TDRD3: variants seen among roughly 807,000 people sequenced by gnomAD.
TDRD3 encodes tudor domain-containing protein 3.
Under a neutral mutation model 86.7 loss-of-function variants are expected in TDRD3, and 45 were observed. That is an observed-to-expected ratio of 0.52 (90% CI 0.41 to 0.67). The LOEUF (loss-of-function observed/expected upper bound fraction) is 0.67, where lower values mean the gene tolerates loss of function less well. Ranked by LOEUF, TDRD3 falls within the 30% of genes least tolerant of loss-of-function variation. The pLI, the probability that TDRD3 is intolerant of heterozygous loss-of-function variation, is 0.00. For missense variants in TDRD3, 814 were observed against 889.0 expected (o/e 0.92, Z 1.07); for synonymous variants, 298 against 301.7 (o/e 0.99, Z 0.13).
At chr13:60,567,385 CCT>C in intron 12 of TDRD3, 138 bp from the exon 13 acceptor site, 2 of 1,003,678 alleles carry the variant, frequency 2.0e-6, no homozygotes, top group South Asian at 1.6e-5. Flanking sequence ...CCCTTGCCTC[CCT>C]CTGTTGTAAA....
At chr13:60,424,430 C>T (rs1363648811) in intron 1 of TDRD3, among the ~76,000 whole-genome samples, 2 of 152,064 alleles carry the variant, frequency 1.3e-5, no homozygotes, top group African/African-American at 2.4e-5. Flanking sequence ...GTAATCCCAG[C>T]ACTTTGGGAG....
chr13:60,452,595 T>A (rs1286331079), intron 3 of TDRD3, among the ~76,000 whole-genome samples: 1 of 152,112 alleles, frequency 6.6e-6, no homozygotes, highest in African/African-American at 2.4e-5. Flanking sequence ...TTTAGTGTAA[T>A]ATTTTTTAGG....
intron 1 of TDRD3, among the ~76,000 whole-genome samples, chr13:60,417,620 G>T (rs970244444): frequency 2.6e-5 from 4 of 152,136 alleles, no homozygotes; most frequent in Non-Finnish European, 5.9e-5. Flanking sequence ...GGGATTACAG[G>T]TGTGAGCCGC....
intron 1 of TDRD3, among the ~76,000 whole-genome samples, chr13:60,398,864 G>GTT (rs138378209): frequency 6.6e-6 from 1 of 152,104 alleles, no homozygotes; most frequent in Non-Finnish European, 1.5e-5. Flanking sequence ...TCTTCTTTCA[G>GTT]TTTTTTTACC....
chr13:60,492,917 C>CTTTTTTT (rs71199004), intron 7 of TDRD3, among the ~76,000 whole-genome samples: 123 of 115,462 alleles, frequency 1.1e-3, no homozygotes, highest in East Asian at 2.0e-3. Flanking sequence ...TCTTTCTTTT[C>CTTTTTTT]TTTTTTTTTT....
intron 1 of TDRD3, among the ~76,000 whole-genome samples, chr13:60,401,409 A>G (rs1198499194): frequency 1.3e-5 from 2 of 152,156 alleles, no homozygotes; most frequent in Non-Finnish European, 2.9e-5. Flanking sequence ...ACACTACACT[A>G]TTTTGTGTCA....
At chr13:60,505,710 A>G (rs1049923998) in intron 8 of TDRD3, among the ~76,000 whole-genome samples, 2 of 152,252 alleles carry the variant, frequency 1.3e-5, no homozygotes, top group Non-Finnish European at 2.9e-5. Context: ...ATTGAAAAAC[A>G]TAGCACGAGA....
At chr13:60,517,293 A>G (rs1050554880) in intron 10 of TDRD3, among the ~76,000 whole-genome samples, 1 of 152,136 alleles carries the variant, frequency 6.6e-6, no homozygotes, top group Non-Finnish European at 1.5e-5. Flanking sequence ...GGAATGTAAT[A>G]TAATGGTAAT....
intron 1 of TDRD3, among the ~76,000 whole-genome samples, chr13:60,402,011 A>G (rs746705425): frequency 3.9e-5 from 6 of 152,234 alleles, no homozygotes; most frequent in Admixed American, 2.6e-4. Flanking sequence ...GGCCCACTCT[A>G]TTCCACATTA....
At chr13:60,420,620 A>G (rs149564245) in intron 1 of TDRD3, among the ~76,000 whole-genome samples, 1,715 of 152,128 alleles carry the variant, frequency 0.011, 43 homozygotes, top group African/African-American at 0.039. Flanking sequence ...AATTTTCTTT[A>G]TTGGATTGAC....
At chr13:60,447,970 AGGCTCAGTAC>A (rs1303377211) in intron 3 of TDRD3, among the ~76,000 whole-genome samples, 1 of 152,170 alleles carries the variant, frequency 6.6e-6, no homozygotes, top group African/African-American at 2.4e-5. Flanking sequence ...ACTAGGCCTG[AGGCTCAGTAC>A]AATGCACTGG....
chr13:60,503,867 A>G (rs774725363), intron 8 of TDRD3, among the ~76,000 whole-genome samples: 1 of 152,204 alleles, frequency 6.6e-6, no homozygotes, highest in Admixed American at 6.5e-5. Context: ...TGTTAACCCC[A>G]ATTGGTTTAA....
At chr13:60,466,649 G>A (rs9646036) in intron 4 of TDRD3, among the ~76,000 whole-genome samples, 22,546 of 151,956 alleles carry the variant, frequency 0.15, 2,083 homozygotes, top group South Asian at 0.28. Context: ...TTAGCTGGTC[G>A]TGGGGGCGCA....
intron 1 of TDRD3, among the ~76,000 whole-genome samples, chr13:60,436,569 G>T (rs866200019): frequency 1.3e-5 from 2 of 152,134 alleles, no homozygotes; most frequent in Non-Finnish European, 1.5e-5. Context: ...CTTTGTTGAA[G>T]ATCAGTTGGC....
intron 8 of TDRD3, among the ~76,000 whole-genome samples, chr13:60,502,225 A>G (rs1956849381): frequency 6.6e-6 from 1 of 152,222 alleles, no homozygotes; most frequent in Non-Finnish European, 1.5e-5. Context: ...GAACTAGGAT[A>G]TTGATCCAGA....
chr13:60,490,685 G>A (rs1395079817), intron 7 of TDRD3, among the ~76,000 whole-genome samples: 1 of 151,962 alleles, frequency 6.6e-6, no homozygotes, highest in African/African-American at 2.4e-5. Flanking sequence ...AAGTAATCTA[G>A]GATTTAAAAA....
chr13:60,492,893 G>A (rs1349080231), intron 7 of TDRD3, among the ~76,000 whole-genome samples: 1 of 139,872 alleles, frequency 7.1e-6, no homozygotes, highest in East Asian at 2.1e-4. Flanking sequence ...ATTTTCTTCC[G>A]TTTCAAATAA....
At chr13:60,510,891 C>G in intron 10 of TDRD3, 136 bp downstream of exon 10, 1 of 849,188 alleles carries the variant, frequency 1.2e-6, no homozygotes, top group Non-Finnish European at 1.6e-6. Flanking sequence ...GAACGTATAT[C>G]CTGAGTGTTT....
chr13:60,396,052 C>T (rs996977386), upstream of TDRD3, among the ~76,000 whole-genome samples: 1 of 152,154 alleles, frequency 6.6e-6, no homozygotes, highest in African/African-American at 2.4e-5. Context: ...TTAGCTCCAC[C>T]CAGGGCAATT....
Sources: gnomAD v4.1 joint callset for allele counts (sites outside exome capture counted in the v4.1 genomes callset) on GRCh38, gnomAD v4.1.1 for gene constraint, MANE v1.5 for transcripts, NCBI Gene and HGNC (gene_info 2026-07-23, HGNC 2026-07-21) for gene names.